Variants in MCF2L observed in about 807,000 individuals in gnomAD.
MCF2L encodes the protein guanine nucleotide exchange factor DBS.
In MCF2L, 97 loss-of-function variants were observed where a neutral mutation model predicts 153.4. The ratio of observed to expected loss-of-function variants is 0.63; its 90% CI spans 0.54 to 0.75. The LOEUF is 0.75. Among genes scored for constraint, MCF2L ranks in the 30% least tolerant of loss-of-function variants. MCF2L has a pLI of 0.00. For missense variants in MCF2L, 1,347 were observed against 1,495.2 expected, an observed-to-expected ratio of 0.90 and a Z score of 1.64; for synonymous variants, 659 against 632.2, an observed-to-expected ratio of 1.04 and a Z score of -0.64.
rs116163008 is a variant in MCF2L at position 112,926,459 on chromosome 13, G to A, written c.169+24088G>A. Among the ~76,000 whole-genome samples the A allele has an allele frequency of 5.1e-3, 779 of 152,042 alleles. 4 individuals carry two copies. The highest frequency in any genetic ancestry group is 0.018 in the African/African-American group (752 of 41,444). On this transcript the variant is annotated intron_variant, in intron 2 of 29. Transcript: ENST00000375608. Reference sequence around the variant, plus strand: ...TTCTATACACAGCGGAGTACTGTACGGCCTGGTCTATATACACAGCGGAGT... The same window carrying A: ...TTCTATACACAGCGGAGTACTGTACAGCCTGGTCTATATACACAGCGGAGT...
chr13:113,033,514 G>A (rs1454590091), intron 3 of MCF2L, among the ~76,000 whole-genome samples: 14 of 152,110 alleles, frequency 9.2e-5, no homozygotes, highest in Middle Eastern at 3.4e-3. Context: ...CGGGCATTTC[G>A]TGGTCCCCAC....
intron 2 of MCF2L, among the ~76,000 whole-genome samples, chr13:112,962,494 C>T (rs1426711397): frequency 2.0e-5 from 3 of 152,180 alleles, no homozygotes; most frequent in East Asian, 3.8e-4. Flanking sequence ...CACTTCTAGC[C>T]GACCCAGTTG....
intron 2 of MCF2L, among the ~76,000 whole-genome samples, chr13:112,920,467 T>C (rs991784430): frequency 6.6e-6 from 1 of 152,054 alleles, no homozygotes; most frequent in African/African-American, 2.4e-5. Flanking sequence ...TCCTGAGATT[T>C]GGTTAAATGC....
chr13:113,013,236 T>C (rs1309220361), intron 1 of MCF2L, among the ~76,000 whole-genome samples: 1 of 152,200 alleles, frequency 6.6e-6, no homozygotes, highest in African/African-American at 2.4e-5. Flanking sequence ...CTTTACTGAT[T>C]GACTGTTTCT....
chr13:112,985,533 C>T (rs1237832770), intron 1 of MCF2L: 3 of 460,250 alleles, frequency 6.5e-6, no homozygotes, highest in African/African-American at 2.0e-5. Context: ...TCGGAGCAGT[C>T]GAGGCGGCCT....
rs1047271180 is a variant in MCF2L, at chr13:113,075,009, G to T, written c.1128G>T (p.Glu376Asp). The T allele has an allele frequency of 8.7e-6, 14 of 1,600,112 alleles. No individual in the cohort carries two copies. The highest frequency in any genetic ancestry group is 1.2e-5 in the Non-Finnish European group (14 of 1,169,602). Residue 376 changes from glutamate (E) to aspartate (D), a missense_variant, in exon 11 of 30, where the codon GAG becomes GAT. By Grantham distance (45) the Glu-to-Asp change is conservative. Around this residue, in one of 3 missense-constraint regions of MCF2L, gnomAD observed 820 missense variants for 921.2 expected, o/e 0.89. Coordinates refer to ENST00000535094, the MANE Select transcript of MCF2L (RefSeq NM_001112732.3). ...SFEEKSGVAVERARALSLDGE... is the reference protein window; with the variant it reads ...SFEEKSGVAVDRARALSLDGE... The stretch of plus-strand genomic sequence containing the variant: ...GTGGCCGTCCACAGGTGGCCGTGGA[G>T]AGGGCCCGGGCCCTGTCTCTGGACG...
intron 1 of MCF2L, chr13:112,894,572 G>T (rs1400837689): frequency 1.3e-5 from 2 of 151,894 alleles, no homozygotes; most frequent in Non-Finnish European, 2.9e-5. Flanking sequence ...GGGGACAGGC[G>T]CTGGGACCCG....
chr13:112,944,403 C>T (rs2081613714), intron 2 of MCF2L, among the ~76,000 whole-genome samples: 1 of 152,060 alleles, frequency 6.6e-6, no homozygotes, highest in African/African-American at 2.4e-5. Flanking sequence ...GACGTTGTTA[C>T]TGCTCCATCT....
At chr13:113,017,048 G>A (rs2084572250) in intron 2 of MCF2L, among the ~76,000 whole-genome samples, 1 of 152,232 alleles carries the variant, frequency 6.6e-6, no homozygotes, top group Non-Finnish European at 1.5e-5. Context: ...CCACGTCTGA[G>A]AAGGATCAGT....
intron 26 of MCF2L, among the ~76,000 whole-genome samples, chr13:113,093,229 G>T (rs2142113682): frequency 6.6e-6 from 1 of 152,360 alleles, no homozygotes; most frequent in Middle Eastern, 3.4e-3. Context: ...GCAGCTGCAG[G>T]TGCACTCAGG....
intron 5 of MCF2L, among the ~76,000 whole-genome samples, chr13:113,063,630 G>A (rs959278430): frequency 1.2e-4 from 19 of 152,172 alleles, no homozygotes; most frequent in African/African-American, 3.1e-4. Flanking sequence ...TAGCTCAGGG[G>A]TTATTTGACA....
chr13:113,091,339 C>A, intron 26 of MCF2L: 2 of 611,666 alleles, frequency 3.3e-6, no homozygotes, highest in Non-Finnish European at 5.1e-6. Context: ...CGGTTGTGTT[C>A]AATGTGTGAT....
chr13:113,004,821 C>A lies in MCF2L; in HGVS notation c.80-9942C>A, dbSNP rs539034531. Among the ~76,000 whole-genome samples the A allele has an allele frequency of 7.7e-4, 117 of 152,368 alleles. 1 individual carries two copies. The highest frequency in any genetic ancestry group is 2.5e-3 in the African/African-American group (103 of 41,588). On this transcript the variant is annotated intron_variant, in intron 1 of 29. Transcript: ENST00000535094. ...GTGTTCAGATGCTGCCTGGGCTTCACGTTGGTGCCCATTTCTCTCTGGACC... is the reference window on the plus strand; with the variant it reads ...GTGTTCAGATGCTGCCTGGGCTTCAAGTTGGTGCCCATTTCTCTCTGGACC...
chr13:112,944,032 T>C (rs2081607376), intron 2 of MCF2L, among the ~76,000 whole-genome samples: 1 of 133,212 alleles, frequency 7.5e-6, no homozygotes, highest in Non-Finnish European at 1.6e-5. Flanking sequence ...GGGAGGATCC[T>C]AGGCCGTGAG....
At position 113,064,673 on chromosome 13, in the gene MCF2L, C is replaced by G; in HGVS notation, c.606+253C>G. The G allele has an allele frequency of 1.7e-6, 1 of 581,652 alleles. No individual in the cohort carries two copies. The highest frequency in any genetic ancestry group is 2.9e-5 in the East Asian group (1 of 34,864). The allele number at this position is 581,652 out of a possible 1,614,324, so 36.0% of individuals were successfully genotyped here. ...AAAAAAACCCTTGCGTTGTGGTTTGCAACACTCACTGCTCTCAACGGGGAG... is the reference window on the plus strand; with the variant it reads ...AAAAAAACCCTTGCGTTGTGGTTTGGAACACTCACTGCTCTCAACGGGGAG... On this transcript the variant is annotated intron_variant, in intron 6 of 29. Coordinates refer to ENST00000535094, the MANE Select transcript of MCF2L (RefSeq NM_001112732.3). The surrounding 1 kb of genome is among the most constrained non-coding windows in gnomAD (Gnocchi z 6.0).
rs974323030 is a variant in MCF2L, at chr13:112,904,287, T to A, written c.169+1916T>A. ...CAAGTGCTCCTATTATTTCTCAACG[T>A]ACCGAGCTCTCCCAGGCTCAGGAGC... On this transcript the variant is annotated intron_variant, in intron 2 of 29. Coordinates refer to the MCF2L transcript ENST00000375608. This position sits in a 1 kb window ranked among gnomAD's most constrained non-coding sequence, Gnocchi z 4.2. Among the ~76,000 whole-genome samples the A allele has an allele frequency of 6.6e-6, 1 of 152,080 alleles. No individual in the cohort carries two copies. The highest frequency in any genetic ancestry group is 1.5e-5 in the Non-Finnish European group (1 of 67,994).
At chr13:113,025,852 T>TAC (rs2085244986) in intron 3 of MCF2L, among the ~76,000 whole-genome samples, 1 of 145,998 alleles carries the variant, frequency 6.8e-6, no homozygotes, top group African/African-American at 2.5e-5. Flanking sequence ...TTCATCATGG[T>TAC]GGGGTCCCCG....
At chr13:112,964,550 G>A (rs1039756580), upstream of MCF2L, among the ~76,000 whole-genome samples, 1 of 152,182 alleles carries the variant, frequency 6.6e-6, no homozygotes, top group African/African-American at 2.4e-5. Flanking sequence ...CCTTTGTCCT[G>A]TATCTCTACT....
chr13:112,942,344 CCT>C (rs1298013782), intron 2 of MCF2L, among the ~76,000 whole-genome samples: 1 of 152,238 alleles, frequency 6.6e-6, no homozygotes, highest in Non-Finnish European at 1.5e-5. Context: ...GGAAGGGCCC[CCT>C]GTCTGGTAGA....
Sources: gnomAD v4.1 joint callset for allele counts (sites outside exome capture counted in the v4.1 genomes callset) on GRCh38, gnomAD v4.1.1 for gene constraint, gnomAD v4.1.1 regional missense constraint, Gnocchi (gnomAD v3.1) non-coding constraint, MANE v1.5 for transcripts, NCBI Gene and HGNC (gene_info 2026-07-23, HGNC 2026-07-21) for gene names.